The following POTEE variants were observed in gnomAD, a reference collection of about 807,000 sequenced individuals.
The protein encoded by POTEE is ANKRD26-like family C member 1A.
POTEE carries 21 observed loss-of-function variants against 74.2 expected under a neutral mutation model. The ratio of observed to expected loss-of-function variants is 0.28; its 90% confidence interval spans 0.20 to 0.41. The LOEUF is 0.41. POTEE is among the 10% of genes least tolerant of loss of function. The pLI is 1.00. For missense variants in POTEE, 525 were observed against 1,158.6 expected, an observed-to-expected ratio of 0.45 and a Z score of 7.94; for synonymous variants, 211 against 432.8, an observed-to-expected ratio of 0.49 and a Z score of 6.36.
intron 1 of POTEE, among the ~76,000 whole-genome samples, chr2:131,210,304 G>A (rs1260172645): frequency 1.7e-5 from 2 of 116,966 alleles, no homozygotes; most frequent in Non-Finnish European, 1.8e-5. Context: ...GGGCACTATC[G>A]GGTGCTACAC....
Position 131,264,017 on chromosome 2 carries a change from C to T in POTEE, c.2562C>T (p.Asp854=), listed in dbSNP as rs763660463. ...TSGRTTGIVM[D]SGDGVTHTVP... ...GCCGTACTACTGGCATCGTGATGGACTCTGGTGACGGGGTCACCCACACTG... is the reference window on the plus strand; with the variant it reads ...GCCGTACTACTGGCATCGTGATGGATTCTGGTGACGGGGTCACCCACACTG... The change falls in exon 18 of 18, where the codon GAC becomes GAT. Residue 854 remains aspartate (D), a synonymous_variant. Coordinates refer to ENST00000683005, the MANE Select transcript of POTEE (RefSeq NM_001083538.3). The T allele has an allele frequency of 6.2e-7, 1 of 1,614,218 alleles. No homozygotes were observed. The highest frequency in any genetic ancestry group is 1.3e-5 in the African/African-American group (1 of 75,076).
chr2:131,220,206 A>C (rs1328572038), intron 4 of POTEE, among the ~76,000 whole-genome samples: 1 of 150,854 alleles, frequency 6.6e-6, no homozygotes, highest in Non-Finnish European at 1.5e-5. Flanking sequence ...ATATATATTT[A>C]TATATATACT....
chr2:131,223,977 T>C lies in POTEE; in HGVS notation c.744T>C (p.Tyr248=), dbSNP rs367706895. Residue 248 remains tyrosine, a synonymous_variant, in exon 6 of 18, where the codon TAT becomes TAC. Transcript: ENST00000683005. ...ATACCACTCTGCACTACGCTATCTA[T>C]AATGAAGATAAATTAATGGCCAAAG... ...YGNTTLHYAI[Y]NEDKLMAKAL... The C allele has an allele frequency of 1.1e-5, 17 of 1,512,776 alleles. No homozygotes were observed. Among genetic ancestry groups the C allele is most frequent in the African/African-American group, 1.0e-4 (7 of 69,946 alleles). The allele number at this position is 1,512,776 out of a possible 1,614,324, so 93.7% of individuals were successfully genotyped here.
intron 1 of POTEE, among the ~76,000 whole-genome samples, 161 bp downstream of exon 1, chr2:131,209,980 G>C (rs1231425212): frequency 1.5e-5 from 2 of 130,394 alleles, no homozygotes; most frequent in Admixed American, 7.9e-5. Flanking sequence ...TTGGCTGGCT[G>C]TCCGGGGCTA....
chr2:131,263,409 C>G lies in POTEE; in HGVS notation c.1954C>G (p.Arg652Gly), dbSNP rs551288353. The change falls in exon 18 of 18, where the codon CGG becomes GGG. Residue 652 changes from arginine to glycine, a missense_variant. Arg to Gly is a moderately radical substitution (Grantham distance 125). Coordinates refer to ENST00000683005, the MANE Select transcript of POTEE (RefSeq NM_001083538.3). Reference sequence around the variant, plus strand: ...CGTCTTGCATGAAAATAGTACGTTGCGGGAAGAAATTGCCATGCTAAGACT... The same window carrying G: ...CGTCTTGCATGAAAATAGTACGTTGGGGGAAGAAATTGCCATGCTAAGACT... ...KDVLHENSTL[R>G]EEIAMLRLEL... The G allele has an allele frequency of 6.2e-7, 1 of 1,611,218 alleles. No homozygotes were observed. Among genetic ancestry groups the G allele is most frequent in the Admixed American group, 1.7e-5 (1 of 59,918 alleles).
In POTEE at chr2:131,263,379, A is replaced by G. The variant is rs913115801; in HGVS notation, c.1924A>G (p.Lys642Glu). Residue 642 changes from lysine to glutamate, a missense_variant, in exon 18 of 18, where the codon AAA becomes GAA. Coordinates refer to ENST00000683005, the MANE Select transcript of POTEE (RefSeq NM_001083538.3). ...GCTTTCTCTTAGTTGTAAGAAAGAA[A>G]AAGACGTCTTGCATGAAAATAGTAC... ...SELSLSCKKE[K>E]DVLHENSTLR... The G allele has an allele frequency of 6.2e-7, 1 of 1,611,770 alleles. No homozygotes were observed. Among genetic ancestry groups the G allele is most frequent in the African/African-American group, 1.3e-5 (1 of 74,856 alleles).
At chr2:131,235,353 CAT>C (rs1355610554) in intron 9 of POTEE, among the ~76,000 whole-genome samples, 61 of 152,152 alleles carry the variant, frequency 4.0e-4, no homozygotes, top group African/African-American at 1.3e-3. Flanking sequence ...ACGGGACAGA[CAT>C]GTGGAGGAAT....
rs1267997214 is a variant in POTEE, at chr2:131,263,936, C to G, written c.2481C>G (p.Phe827Leu). The G allele has an allele frequency of 1.2e-6, 2 of 1,614,190 alleles. No individual in the cohort carries two copies. Among genetic ancestry groups the G allele is most frequent in the Non-Finnish European group, 1.7e-6 (2 of 1,180,028 alleles). Residue 827 changes from phenylalanine to leucine, a missense_variant, in exon 18 of 18, where the codon TTC becomes TTG. Physicochemically the swap from Phe to Leu is conservative, Grantham distance 22. Coordinates refer to ENST00000683005, the MANE Select transcript of POTEE (RefSeq NM_001083538.3). Reference protein sequence around the residue: ...EKMTQIMFETFNTPAMYVAIQ... With the variant: ...EKMTQIMFETLNTPAMYVAIQ... Reference sequence around the variant, plus strand: ...TGACCCAGATCATGTTTGAGACCTTCAACACCCCAGCCATGTACGTGGCCA... The same window carrying G: ...TGACCCAGATCATGTTTGAGACCTTGAACACCCCAGCCATGTACGTGGCCA...
chr2:131,256,421 C>T (rs1311942850), intron 16 of POTEE, among the ~76,000 whole-genome samples: 2 of 924 alleles, frequency 2.2e-3, no homozygotes, highest in African/African-American at 0.011. Context: ...TGATTGCCTC[C>T]TATTTCACTC....
intron 10 of POTEE, among the ~76,000 whole-genome samples, chr2:131,237,281 A>T (rs558951634): frequency 2.5e-4 from 38 of 151,768 alleles, no homozygotes; most frequent in Non-Finnish European, 5.0e-4. Flanking sequence ...ATGGTTAAGG[A>T]GTAATCATGG....
chr2:131,232,928 C>T lies in POTEE; in HGVS notation c.1126+2022C>T, dbSNP rs1338950690. ...GCAAAGGGCTTCCTGTAACATTTCA[C>T]TGGCTGGGTCACACCACATGCTCAT... is the stretch of plus-strand genomic sequence containing the variant. On this transcript the variant is annotated intron_variant, in intron 9 of 17. Transcript: ENST00000683005. Among the ~76,000 whole-genome samples, 113 of 151,394 alleles carry T rather than the reference C, an allele frequency of 7.5e-4. 2 individuals carry two copies. In the South Asian group the frequency reaches 8.6e-3, roughly 12 times the overall value.
At chr2:131,222,101 TA>T (rs1240506187) in intron 4 of POTEE, among the ~76,000 whole-genome samples, 1 of 152,232 alleles carries the variant, frequency 6.6e-6, no homozygotes, top group Non-Finnish European at 1.5e-5. Context: ...TTTCTGAAGG[TA>T]GAAAATAGTA....
At chr2:131,236,564 G>C (rs1701138337) in intron 9 of POTEE, among the ~76,000 whole-genome samples, 168 bp from the exon 10 acceptor site, 2 of 151,612 alleles carry the variant, frequency 1.3e-5, no homozygotes, top group Admixed American at 1.3e-4. Flanking sequence ...GTCTCCCCAA[G>C]TGGTTTGTTG....
At chr2:131,229,586 C>G (rs1405994263) in intron 8 of POTEE, 2 of 152,192 alleles carry the variant, frequency 1.3e-5, no homozygotes, top group Non-Finnish European at 2.9e-5. Flanking sequence ...CATCACTAAT[C>G]ATGTGTAAAA....
At chr2:131,216,705 T>C (rs1381667936) in intron 2 of POTEE, among the ~76,000 whole-genome samples, 2 of 145,980 alleles carry the variant, frequency 1.4e-5, no homozygotes, top group Non-Finnish European at 3.0e-5. Context: ...GTCCATAAAA[T>C]AAAATATTAC....
chr2:131,235,792 C>CAAAAAAAAAAAA (rs1203876832), intron 9 of POTEE, among the ~76,000 whole-genome samples: 46 of 78,542 alleles, frequency 5.9e-4, no homozygotes, highest in Non-Finnish European at 7.5e-4. Flanking sequence ...GACCCTGGCT[C>CAAAAAAAAAAAA]AAAAAAAAAA....
At position 131,221,013 on chromosome 2, in the gene POTEE, A is replaced by G. The variant is rs145582709; in HGVS notation, c.521+2090A>G. 6.3e-3 allele frequency among the ~76,000 whole-genome samples: 958 copies of G among 152,212 alleles called. 8 individuals carry two copies. The highest frequency in any genetic ancestry group is 0.021 in the African/African-American group (875 of 41,540). On this transcript the variant is annotated intron_variant, in intron 4 of 17. Transcript: ENST00000683005. ...AATGAAATACTGTTTTCTGTCCACAAAGTTTGTGAGGATGAAGAACAGTGG... is the reference window on the plus strand; with the variant it reads ...AATGAAATACTGTTTTCTGTCCACAGAGTTTGTGAGGATGAAGAACAGTGG...
intron 9 of POTEE, among the ~76,000 whole-genome samples, chr2:131,234,253 C>A (rs1701057804): frequency 6.6e-6 from 1 of 151,682 alleles, no homozygotes; most frequent in Non-Finnish European, 1.5e-5. Flanking sequence ...AAAGAGCGAG[C>A]AAGGAGCATA....
chr2:131,229,214 C>T (rs1182057462), intron 8 of POTEE, among the ~76,000 whole-genome samples: 1 of 152,168 alleles, frequency 6.6e-6, no homozygotes, highest in African/African-American at 2.4e-5. Context: ...GGTCTTTTCT[C>T]TGGCAGATGT....
Sources: gnomAD v4.1 joint callset for allele counts (sites outside exome capture counted in the v4.1 genomes callset) on GRCh38, gnomAD v4.1.1 for gene constraint, MANE v1.5 for transcripts, NCBI Gene and HGNC (gene_info 2026-07-23, HGNC 2026-07-21) for gene names.